The following MORC1 variants were observed in gnomAD, a reference collection of about 807,000 sequenced individuals.
MORC1 encodes MORC family CW-type zinc finger protein 1.
A neutral mutation model predicts 134.9 loss-of-function variants in MORC1; 59 were observed. The ratio of observed to expected loss-of-function variants is 0.44; its 90% CI spans 0.35 to 0.54. The LOEUF is 0.54. Ranked by LOEUF, MORC1 falls within the 20% of genes least tolerant of loss-of-function variation. The pLI is 0.00. For missense variants in MORC1, 947 were observed against 1,134.5 expected (o/e 0.83, Z 2.37); for synonymous variants, 395 against 391.7 (o/e 1.01, Z -0.10).
At chr3:109,075,688 T>C (rs1403403611) in intron 8 of MORC1, among the ~76,000 whole-genome samples, 2 of 152,176 alleles carry the variant, frequency 1.3e-5, no homozygotes, top group Non-Finnish European at 2.9e-5. Flanking sequence ...ACCATGCTGT[T>C]TTGGTTACTG....
chr3:109,049,229 G>A (rs1426883284), intron 14 of MORC1: 1 of 728,514 alleles, frequency 1.4e-6, no homozygotes, highest in Non-Finnish European at 1.7e-6. Flanking sequence ...AAATTCTGTT[G>A]TGAGCAACTA....
At chr3:108,994,498 G>A (rs1019361077) in intron 21 of MORC1, among the ~76,000 whole-genome samples, 2 of 151,828 alleles carry the variant, frequency 1.3e-5, no homozygotes, top group South Asian at 4.2e-4. Context: ...AGCAAATCTG[G>A]GTTTGCCTCT....
intron 8 of MORC1, among the ~76,000 whole-genome samples, chr3:109,079,634 C>G (rs1328806831): frequency 2.0e-5 from 3 of 152,044 alleles, no homozygotes; most frequent in Non-Finnish European, 1.5e-5. Context: ...ATTACCACTT[C>G]TATTTAACTA....
At chr3:109,014,306 G>A (rs1948766002) in intron 17 of MORC1, among the ~76,000 whole-genome samples, 1 of 152,074 alleles carries the variant, frequency 6.6e-6, no homozygotes, top group Admixed American at 6.5e-5. Flanking sequence ...CCAATTATTT[G>A]TTTTTATCTG....
At chr3:109,059,009 T>G (rs1183244911) in intron 12 of MORC1, among the ~76,000 whole-genome samples, 1 of 152,162 alleles carries the variant, frequency 6.6e-6, no homozygotes, top group Non-Finnish European at 1.5e-5. Flanking sequence ...AATTACAATT[T>G]CTATGACATT....
At chr3:109,059,710 T>C (rs944783828) in intron 12 of MORC1, 96 bp downstream of exon 12, 2 of 987,568 alleles carry the variant, frequency 2.0e-6, no homozygotes, top group Non-Finnish European at 1.5e-6. Flanking sequence ...TGAAAAAAAA[T>C]TGTCACAATA....
intron 26 of MORC1, among the ~76,000 whole-genome samples, chr3:108,966,770 T>C (rs1947231072): frequency 6.6e-6 from 1 of 152,062 alleles, no homozygotes; most frequent in Non-Finnish European, 1.5e-5. Flanking sequence ...GGAGAGTCGA[T>C]AGGAGTATTT....
At chr3:109,086,186 C>T (rs1451917348) in intron 8 of MORC1, among the ~76,000 whole-genome samples, 1 of 151,828 alleles carries the variant, frequency 6.6e-6, no homozygotes, top group Non-Finnish European at 1.5e-5. Flanking sequence ...AATAGGGTAA[C>T]TATAGTTAAC....
intron 13 of MORC1, among the ~76,000 whole-genome samples, chr3:109,056,046 G>A (rs1010175961): frequency 2.6e-5 from 4 of 152,074 alleles, no homozygotes; most frequent in Non-Finnish European, 5.9e-5. Flanking sequence ...CATGTCCCAA[G>A]GTCTCAATGC....
At chr3:109,075,253 A>C (rs1297149526) in intron 8 of MORC1, among the ~76,000 whole-genome samples, 1 of 152,174 alleles carries the variant, frequency 6.6e-6, no homozygotes, top group African/African-American at 2.4e-5. Context: ...GTAGACTAAG[A>C]ATACATATTA....
At chr3:109,026,501 G>T (rs1402834873) in intron 17 of MORC1, among the ~76,000 whole-genome samples, 1 of 152,146 alleles carries the variant, frequency 6.6e-6, no homozygotes, top group Admixed American at 6.5e-5. Context: ...AAGTCTTGAT[G>T]ATTGGCATTA....
At chr3:108,965,317 C>T (rs1205302326) in intron 26 of MORC1, among the ~76,000 whole-genome samples, 1 of 152,156 alleles carries the variant, frequency 6.6e-6, no homozygotes, top group Non-Finnish European at 1.5e-5. Context: ...AATAGTATTG[C>T]TAATCAGCCA....
intron 17 of MORC1, among the ~76,000 whole-genome samples, chr3:109,020,465 T>C (rs893460329): frequency 2.0e-5 from 3 of 152,044 alleles, no homozygotes; most frequent in Non-Finnish European, 2.9e-5. Flanking sequence ...GTTGGTAAAG[T>C]ACAAGGTAAA....
At chr3:109,005,504 A>G (rs1394142615) in intron 18 of MORC1, among the ~76,000 whole-genome samples, 189 bp from the exon 19 acceptor site, 1 of 152,196 alleles carries the variant, frequency 6.6e-6, no homozygotes, top group African/African-American at 2.4e-5. Flanking sequence ...TGATTCATAA[A>G]TAGCTGCAAA....
intron 11 of MORC1, among the ~76,000 whole-genome samples, chr3:109,061,312 T>C (rs767795461): frequency 6.6e-6 from 1 of 152,224 alleles, no homozygotes; most frequent in Non-Finnish European, 1.5e-5. Flanking sequence ...TACCATATTT[T>C]TGGTAAAAGT....
intron 8 of MORC1, among the ~76,000 whole-genome samples, chr3:109,075,296 T>A (rs958725162): frequency 6.6e-6 from 1 of 152,164 alleles, no homozygotes; most frequent in Non-Finnish European, 1.5e-5. Flanking sequence ...AGACTATTAA[T>A]AGTGTGAAGA....
At chr3:109,040,765 G>T (rs1274253710) in intron 14 of MORC1, among the ~76,000 whole-genome samples, 1 of 146,088 alleles carries the variant, frequency 6.8e-6, no homozygotes, top group Non-Finnish European at 1.5e-5. Flanking sequence ...GGGAGGCAGA[G>T]GTTGCAGTGA....
chr3:108,993,283 T>C (rs1948116014), intron 21 of MORC1, among the ~76,000 whole-genome samples: 1 of 152,356 alleles, frequency 6.6e-6, no homozygotes, highest in African/African-American at 2.4e-5. Context: ...TTTTGATTAA[T>C]TGGCTCGTGG....
chr3:108,993,229 G>A (rs1377182561), intron 21 of MORC1, among the ~76,000 whole-genome samples: 2 of 151,928 alleles, frequency 1.3e-5, no homozygotes, highest in Admixed American at 1.3e-4. Flanking sequence ...GACTTTTTTG[G>A]TGTCCCTCAA....
Sources: gnomAD v4.1 joint callset for allele counts (sites outside exome capture counted in the v4.1 genomes callset) on GRCh38, gnomAD v4.1.1 for gene constraint, MANE v1.5 for transcripts, NCBI Gene and HGNC (gene_info 2026-07-23, HGNC 2026-07-21) for gene names.